The following NKAIN2 variants were observed in gnomAD, a reference collection of about 807,000 sequenced individuals.
NKAIN2 encodes sodium/potassium-transporting ATPase subunit beta-1-interacting protein 2.
Under a neutral mutation model 32.6 loss-of-function variants are expected in NKAIN2, and 14 were observed. The ratio of observed to expected loss-of-function variants is 0.43; its 90% confidence interval spans 0.28 to 0.67. NKAIN2 has a LOEUF of 0.67. Ranked by LOEUF, NKAIN2 falls within the 30% of genes least tolerant of loss-of-function variation. The pLI, the probability that NKAIN2 is intolerant of heterozygous loss-of-function variation, is 0.17. For synonymous variants in NKAIN2, 80 were observed against 87.2 expected (o/e 0.92, Z 0.46); for missense variants, 198 against 258.3 (o/e 0.77, Z 1.60).
intron 1 of NKAIN2, among the ~76,000 whole-genome samples, chr6:124,219,094 G>T (rs1255906443): frequency 4.6e-5 from 7 of 152,072 alleles, no homozygotes; most frequent in South Asian, 2.1e-4. Flanking sequence ...ATAACAGGTT[G>T]CTCCCTCAAG....
chr6:124,391,337 C>T (rs1394608373), intron 3 of NKAIN2, among the ~76,000 whole-genome samples: 1 of 152,152 alleles, frequency 6.6e-6, no homozygotes, highest in African/African-American at 2.4e-5. Context: ...TCTGTAATCA[C>T]TCTGTCCTCT....
At chr6:124,725,039 C>A (rs1776204242) in intron 4 of NKAIN2, among the ~76,000 whole-genome samples, 1 of 152,212 alleles carries the variant, frequency 6.6e-6, no homozygotes, top group African/African-American at 2.4e-5. Flanking sequence ...CCAGTGTCTA[C>A]TAGGGAATTC....
intron 1 of NKAIN2, among the ~76,000 whole-genome samples, chr6:124,214,523 C>A (rs934158445): frequency 9.9e-5 from 15 of 151,818 alleles, no homozygotes; most frequent in African/African-American, 3.6e-4. Context: ...CCAAGGAGGG[C>A]AGATCACTTG....
chr6:123,832,671 C>G (rs1774436612), intron 1 of NKAIN2, among the ~76,000 whole-genome samples: 1 of 152,182 alleles, frequency 6.6e-6, no homozygotes, highest in African/African-American at 2.4e-5. Context: ...GACATTCTGA[C>G]AGGCATGTAG....
At chr6:124,734,433 C>T (rs1485521355) in intron 4 of NKAIN2, among the ~76,000 whole-genome samples, 1 of 150,318 alleles carries the variant, frequency 6.7e-6, no homozygotes, top group African/African-American at 2.4e-5. Context: ...CCATGTTTCT[C>T]CTTTGCTTAA....
In NKAIN2 at chr6:124,473,028, G is replaced by C. The variant is rs188083231; in HGVS notation, c.273+117681G>C. ...AGTGATTATACATCCAACCAGACAGGTTCTGCAGAAGGATAGAAGCTTTCT... is the reference window on the plus strand; with the variant it reads ...AGTGATTATACATCCAACCAGACAGCTTCTGCAGAAGGATAGAAGCTTTCT... On this transcript the variant is annotated intron_variant, in intron 3 of 6. Coordinates refer to ENST00000368417, the MANE Select transcript of NKAIN2 (RefSeq NM_001040214.3). Among the ~76,000 whole-genome samples, 273 of 152,216 alleles carry C rather than the reference G, an allele frequency of 1.8e-3. 1 individual carries two copies. The highest frequency in any genetic ancestry group is 0.01 in the Middle Eastern group (3 of 294).
intron 1 of NKAIN2, among the ~76,000 whole-genome samples, chr6:124,076,721 C>T (rs375831585): frequency 5.3e-5 from 8 of 152,168 alleles, no homozygotes; most frequent in Admixed American, 6.5e-5. Flanking sequence ...CATGAGTTTG[C>T]GGTCAAGAAA....
At position 124,310,684 on chromosome 6, in the gene NKAIN2, T is replaced by C. The variant is rs559407772; in HGVS notation, c.192+27542T>C. ...CCGAAAGTAGCTGTTCTGCCAAATA[T>C]GACCCGAATCTCCACTGAAGTCAGA... On this transcript the variant is annotated intron_variant, in intron 2 of 6. Transcript: ENST00000368417. Among the ~76,000 whole-genome samples, 8 of 152,236 alleles carry C rather than the reference T, an allele frequency of 5.3e-5. No homozygotes were observed. In the South Asian group the frequency reaches 1.5e-3, roughly 28 times the overall value.
intron 1 of NKAIN2, among the ~76,000 whole-genome samples, chr6:123,827,876 C>CCTCTCT (rs5879702): frequency 6.7e-6 from 1 of 149,788 alleles, no homozygotes; most frequent in Non-Finnish European, 1.5e-5. Flanking sequence ...GATAGCAGTT[C>CCTCTCT]CTCTCTCTCT....
chr6:124,277,591 G>A, intron 1 of NKAIN2, among the ~76,000 whole-genome samples: 1 of 152,110 alleles, frequency 6.6e-6, no homozygotes, highest in Admixed American at 6.6e-5. Context: ...ATTAACTTTT[G>A]ACAAGTTTGT....
At chr6:124,751,301 T>TA (rs1006289788) in intron 4 of NKAIN2, among the ~76,000 whole-genome samples, 10 of 151,986 alleles carry the variant, frequency 6.6e-5, no homozygotes, top group African/African-American at 2.4e-4. Context: ...AAGAGGCCTT[T>TA]AAAAAGATTT....
chr6:124,065,849 A>G (rs957961889), intron 1 of NKAIN2, among the ~76,000 whole-genome samples: 1 of 152,156 alleles, frequency 6.6e-6, no homozygotes, highest in Admixed American at 6.6e-5. Flanking sequence ...TTAAATACCA[A>G]ACATGTAATT....
intron 1 of NKAIN2, among the ~76,000 whole-genome samples, chr6:123,887,985 C>T (rs1582718610): frequency 6.6e-6 from 1 of 152,040 alleles, no homozygotes; most frequent in Non-Finnish European, 1.5e-5. Context: ...GATGAGAATA[C>T]TACTCGTATT....
chr6:124,328,193 T>C (rs1397637637), intron 2 of NKAIN2, among the ~76,000 whole-genome samples: 1 of 152,210 alleles, frequency 6.6e-6, no homozygotes, highest in Non-Finnish European at 1.5e-5. Context: ...ACCAGCTTTA[T>C]AGAGATCATC....
chr6:124,671,734 A>G (rs1773110017), intron 4 of NKAIN2, among the ~76,000 whole-genome samples: 1 of 152,024 alleles, frequency 6.6e-6, no homozygotes, highest in South Asian at 2.1e-4. Context: ...GATGCAAGAC[A>G]TATTTTAGGT....
At chr6:124,774,908 A>G (rs566504221) in intron 4 of NKAIN2, among the ~76,000 whole-genome samples, 4 of 151,942 alleles carry the variant, frequency 2.6e-5, no homozygotes, top group Non-Finnish European at 5.9e-5. Flanking sequence ...CTTTGACAGT[A>G]TCTTTGGACA....
At chr6:124,158,922 C>T (rs746732367) in intron 1 of NKAIN2, among the ~76,000 whole-genome samples, 14 of 152,124 alleles carry the variant, frequency 9.2e-5, no homozygotes, top group Admixed American at 2.0e-4. Flanking sequence ...GATTATCTCC[C>T]AGCCGTGCCA....
At chr6:124,009,199 G>GTC (rs1207038523) in intron 1 of NKAIN2, among the ~76,000 whole-genome samples, 8 of 152,080 alleles carry the variant, frequency 5.3e-5, no homozygotes, top group Admixed American at 1.3e-4. Context: ...TAGGAGGGCT[G>GTC]TCTCTCTCTC....
intron 1 of NKAIN2, among the ~76,000 whole-genome samples, chr6:123,832,480 G>A (rs1458389928): frequency 6.6e-6 from 1 of 152,162 alleles, no homozygotes; most frequent in African/African-American, 2.4e-5. Flanking sequence ...ACACCTTTGA[G>A]TAAATGCCAA....
Sources: gnomAD v4.1 joint callset for allele counts (sites outside exome capture counted in the v4.1 genomes callset) on GRCh38, gnomAD v4.1.1 for gene constraint, MANE v1.5 for transcripts, NCBI Gene and HGNC (gene_info 2026-07-23, HGNC 2026-07-21) for gene names.